IL1R1: variants seen among roughly 807,000 people sequenced by gnomAD.
IL1R1 encodes interleukin 1 receptor type 1.
IL1R1 carries 22 observed loss-of-function variants against 50.2 expected under a neutral mutation model. That is an observed-to-expected ratio of 0.44 (90% CI 0.31 to 0.63). The LOEUF is 0.63. Among genes scored for constraint, IL1R1 ranks in the 20% least tolerant of loss-of-function variants. IL1R1 has a pLI of 0.07. For missense variants in IL1R1, 509 were observed against 676.2 expected (o/e 0.75, Z 2.74); for synonymous variants, 251 against 236.7 (o/e 1.06, Z -0.55).
intron 1 of IL1R1, among the ~76,000 whole-genome samples, chr2:102,136,923 T>C (rs563754163): frequency 2.0e-5 from 3 of 152,306 alleles, no homozygotes; most frequent in South Asian, 2.1e-4. Flanking sequence ...TGGGCTCTGT[T>C]AGTTCCCAGA....
intron 1 of IL1R1, among the ~76,000 whole-genome samples, chr2:102,077,204 G>A (rs1036152408): frequency 6.6e-6 from 1 of 152,002 alleles, no homozygotes; most frequent in Non-Finnish European, 1.5e-5. Context: ...CTGAGTAGCT[G>A]GGATTACAGG....
chr2:102,117,019 G>A (rs1201292604), intron 1 of IL1R1, among the ~76,000 whole-genome samples: 1 of 152,192 alleles, frequency 6.6e-6, no homozygotes, highest in Non-Finnish European at 1.5e-5. Flanking sequence ...AACACTTAAT[G>A]ACATGAATCT....
intron 1 of IL1R1, among the ~76,000 whole-genome samples, chr2:102,125,010 G>A (rs1681623240): frequency 6.7e-6 from 1 of 149,968 alleles, no homozygotes; most frequent in African/African-American, 2.5e-5. Flanking sequence ...CCTCCCATCA[G>A]GTTCCTCCCT....
chr2:102,128,155 T>C (rs1681831629), intron 1 of IL1R1, among the ~76,000 whole-genome samples: 1 of 152,172 alleles, frequency 6.6e-6, no homozygotes, highest in Non-Finnish European at 1.5e-5. Context: ...GCTTTTGGAA[T>C]GAGGAATTTA....
intron 1 of IL1R1, among the ~76,000 whole-genome samples, chr2:102,121,164 T>C (rs1453980272): frequency 6.6e-6 from 1 of 152,164 alleles, no homozygotes; most frequent in Non-Finnish European, 1.5e-5. Context: ...CTGTGCACTG[T>C]ATGCCATTGA....
chr2:102,111,768 G>C (rs2104368039), intron 1 of IL1R1, among the ~76,000 whole-genome samples: 1 of 152,318 alleles, frequency 6.6e-6, no homozygotes, highest in Non-Finnish European at 1.5e-5. Flanking sequence ...CTTGGTGCCA[G>C]GGAGTCCTTC....
chr2:102,171,542 C>T (rs1014137004), intron 7 of IL1R1, among the ~76,000 whole-genome samples: 3 of 152,050 alleles, frequency 2.0e-5, no homozygotes, highest in African/African-American at 7.2e-5. Context: ...CATGTGGGCC[C>T]AAATTCCCAA....
At chr2:102,109,870 G>A (rs772532165) in intron 1 of IL1R1, among the ~76,000 whole-genome samples, 1 of 152,164 alleles carries the variant, frequency 6.6e-6, no homozygotes, top group Non-Finnish European at 1.5e-5. Flanking sequence ...GGGGCCAAGG[G>A]CGGCTTCGTT....
chr2:102,161,630 A>C (rs1047028650), intron 3 of IL1R1, among the ~76,000 whole-genome samples: 1 of 152,206 alleles, frequency 6.6e-6, no homozygotes. Flanking sequence ...TAGCAGCTAC[A>C]TAAACATTTG....
chr2:102,172,684 T>C lies in IL1R1; in HGVS notation c.840-3T>C, dbSNP rs1685794907. 6.2e-7 allele frequency: 1 copy of C among 1,600,688 alleles called. No individual in the cohort carries two copies. Among genetic ancestry groups the C allele is most frequent in the Non-Finnish European group, 8.5e-7 (1 of 1,173,490 alleles). On this transcript the variant is annotated splice_polypyrimidine_tract_variant and splice_region_variant and intron_variant, in intron 8 of 11. Transcript: ENST00000410023. ...AAGTTTATTTACTCTCTCTCTCGAA[T>C]AGTGTGGAAAATCCTGCAAACAAAA...
chr2:102,096,152 A>T (rs1352609411), intron 1 of IL1R1, among the ~76,000 whole-genome samples: 1 of 152,098 alleles, frequency 6.6e-6, no homozygotes. Flanking sequence ...ACTGTAATTG[A>T]CGCATTCATT....
upstream of IL1R1, among the ~76,000 whole-genome samples, chr2:102,103,274 G>A (rs550672609): frequency 8.5e-5 from 13 of 152,196 alleles, no homozygotes; most frequent in South Asian, 1.9e-3. Flanking sequence ...GTTCAGAGTC[G>A]GGAAAATCAC....
intron 1 of IL1R1, among the ~76,000 whole-genome samples, chr2:102,099,342 T>G (rs1680039069): frequency 6.6e-6 from 1 of 152,228 alleles, no homozygotes; most frequent in Non-Finnish European, 1.5e-5. Context: ...ACCCATCCAG[T>G]GGCCTTTGTT....
At chr2:102,141,702 G>T (rs1474505767), upstream of IL1R1, 1 of 152,270 alleles carries the variant, frequency 6.6e-6, no homozygotes, top group African/African-American at 2.4e-5. Context: ...AGCCTGCCCA[G>T]TCTGAAAGGG....
chr2:102,071,279 C>G lies in IL1R1; in HGVS notation c.-84+746C>G, dbSNP rs551094063. Among the ~76,000 whole-genome samples the G allele has an allele frequency of 3.9e-5, 6 of 152,306 alleles. No homozygotes were observed. The South Asian group carries it at 1.2e-3, about 32-fold the overall frequency. On this transcript the variant is annotated intron_variant, in intron 1 of 11. Coordinates refer to the IL1R1 transcript ENST00000409929. Reference sequence around the variant, plus strand: ...TCTAATTTATATCAAATTTATATCTCTATCTGTAGCTCAATTTGCCTTTTT... The same window carrying G: ...TCTAATTTATATCAAATTTATATCTGTATCTGTAGCTCAATTTGCCTTTTT...
intron 1 of IL1R1, among the ~76,000 whole-genome samples, chr2:102,090,069 C>T (rs1387668069): frequency 6.6e-6 from 1 of 151,704 alleles, no homozygotes; most frequent in Non-Finnish European, 1.5e-5. Context: ...CTCCTGACCT[C>T]ATGATCCGCC....
At chr2:102,109,117 G>A (rs1008666448) in intron 1 of IL1R1, among the ~76,000 whole-genome samples, 4 of 152,092 alleles carry the variant, frequency 2.6e-5, no homozygotes, top group African/African-American at 9.7e-5. Context: ...TGATTTGCTA[G>A]GGTTATACCA....
intron 1 of IL1R1, among the ~76,000 whole-genome samples, chr2:102,129,934 C>A (rs1456113336): frequency 2.0e-5 from 3 of 152,088 alleles, no homozygotes; most frequent in Non-Finnish European, 2.9e-5. Context: ...AAATTTTTAA[C>A]AATTATTTAA....
intron 1 of IL1R1, among the ~76,000 whole-genome samples, chr2:102,148,674 T>C (rs796133125): frequency 2.6e-5 from 4 of 152,350 alleles, no homozygotes; most frequent in African/African-American, 9.6e-5. Flanking sequence ...TGGCTGTCTG[T>C]AGCTTCTCCC....
Sources: gnomAD v4.1 joint callset for allele counts (sites outside exome capture counted in the v4.1 genomes callset) on GRCh38, gnomAD v4.1.1 for gene constraint, MANE v1.5 for transcripts, NCBI Gene and HGNC (gene_info 2026-07-23, HGNC 2026-07-21) for gene names.